Variants in PLEKHG1 observed in about 807,000 individuals in gnomAD.
PLEKHG1 encodes pleckstrin homology and RhoGEF domain containing G1, also known as pleckstrin homology domain-containing family G member 1.
In PLEKHG1, 44 loss-of-function variants were observed where a neutral mutation model predicts 100.8. That is an observed-to-expected ratio of 0.44 (90% confidence interval 0.34 to 0.56). The LOEUF is 0.56. Among genes scored for constraint, PLEKHG1 ranks in the 20% least tolerant of loss-of-function variants. The pLI is 0.01. For synonymous variants in PLEKHG1, 640 were observed against 662.5 expected, an observed-to-expected ratio of 0.97 and a Z score of 0.52; for missense variants, 1,545 against 1,720.9, an observed-to-expected ratio of 0.90 and a Z score of 1.81.
At chr6:150,626,760 C>T (rs1216144797) in intron 1 of PLEKHG1, among the ~76,000 whole-genome samples, 1 of 152,132 alleles carries the variant, frequency 6.6e-6, no homozygotes, top group South Asian at 2.1e-4. Flanking sequence ...CAATATCCTA[C>T]CAAGAGTTAA....
chr6:150,615,542 C>T (rs1777037020), intron 1 of PLEKHG1, among the ~76,000 whole-genome samples: 1 of 152,164 alleles, frequency 6.6e-6, no homozygotes, highest in Non-Finnish European at 1.5e-5. Context: ...CTTTCTAAAT[C>T]TCCCGAATAT....
intron 1 of PLEKHG1, chr6:150,605,971 C>G (rs1226806809): frequency 6.6e-6 from 1 of 152,210 alleles, no homozygotes; most frequent in African/African-American, 2.4e-5. Context: ...TTGCATACAA[C>G]ATTCTGCTAC....
rs34542836 is a variant in PLEKHG1, at chr6:150,731,962, CT to C, written c.-98-1605del. Among the ~76,000 whole-genome samples the C allele has an allele frequency of 1.3e-3, 172 of 134,404 alleles. 1 individual carries two copies. Among genetic ancestry groups the C allele is most frequent in the African/African-American group, 3.8e-3 (142 of 36,950 alleles). The allele number at this position is 134,404 out of a possible 152,430, so 88.2% of individuals were successfully genotyped here. ...TTTAAATGCTGTGGGTATTAAGTGA[CT>C]TTTTTTTTTTTTTTTTGAGACGGAC... On this transcript the variant is annotated intron_variant, in intron 1 of 15. Transcript: ENST00000358517.
chr6:150,715,171 G>T (rs751545804), intron 3 of PLEKHG1, among the ~76,000 whole-genome samples: 1 of 152,062 alleles, frequency 6.6e-6, no homozygotes, highest in Admixed American at 6.5e-5. Context: ...TTGAAAAAAG[G>T]CCTTTAGAAA....
chr6:150,777,979 A>G (rs1341277286), intron 3 of PLEKHG1, among the ~76,000 whole-genome samples: 4 of 152,220 alleles, frequency 2.6e-5, no homozygotes, highest in East Asian at 3.8e-4. Context: ...CTGTGCTCCC[A>G]TTGTACTTTG....
intron 11 of PLEKHG1, among the ~76,000 whole-genome samples, chr6:150,818,961 A>G (rs1004019674): frequency 3.9e-5 from 6 of 152,178 alleles, no homozygotes; most frequent in African/African-American, 1.4e-4. Flanking sequence ...AAGCAGCATC[A>G]GCAAAGTGGA....
At chr6:150,823,726 T>C (rs747276119) in intron 14 of PLEKHG1, 50 bp downstream of exon 15, 49 of 1,379,214 alleles carry the variant, frequency 3.6e-5, no homozygotes, top group Non-Finnish European at 4.2e-5. Flanking sequence ...CAGGCACCTT[T>C]CATAGGTGTC....
intron 3 of PLEKHG1, among the ~76,000 whole-genome samples, chr6:150,783,834 A>G (rs556154270): frequency 3.9e-5 from 6 of 152,380 alleles, no homozygotes; most frequent in South Asian, 4.1e-4. Context: ...ATACTAAAAA[A>G]GAACAAGCCC....
At chr6:150,832,114 G>C in exon 15 of PLEKHG1, 8 of 1,614,118 alleles carry the variant, frequency 5.0e-6, no homozygotes, top group Non-Finnish European at 6.8e-6. Flanking sequence ...GTCTGGAGCT[G>C]GAGCAGCCGC....
intron 14 of PLEKHG1, among the ~76,000 whole-genome samples, chr6:150,824,814 A>T (rs879269867): frequency 6.6e-6 from 1 of 152,128 alleles, no homozygotes; most frequent in Non-Finnish European, 1.5e-5. Flanking sequence ...ACAGGCATGA[A>T]CCACCACACC....
intron 5 of PLEKHG1, among the ~76,000 whole-genome samples, chr6:150,800,165 C>T (rs1174950781): frequency 6.6e-6 from 1 of 152,170 alleles, no homozygotes; most frequent in East Asian, 1.9e-4. Context: ...AGGGAAGTTA[C>T]CCAGGGGAAG....
chr6:150,645,939 C>A (rs1290839026), intron 2 of PLEKHG1, among the ~76,000 whole-genome samples: 10 of 152,176 alleles, frequency 6.6e-5, no homozygotes, highest in African/African-American at 2.4e-4. Flanking sequence ...TACAACATTG[C>A]TTTTAGTAGG....
intron 5 of PLEKHG1, among the ~76,000 whole-genome samples, chr6:150,796,985 T>G (rs908367182): frequency 2.6e-5 from 4 of 151,944 alleles, no homozygotes; most frequent in African/African-American, 4.8e-5. Flanking sequence ...GGGGTTTTTT[T>G]GTTTTGTTTT....
chr6:150,732,414 G>T lies in PLEKHG1; in HGVS notation c.-98-1170G>T, dbSNP rs1181550490. On this transcript the variant is annotated intron_variant, in intron 1 of 15. Coordinates refer to ENST00000358517, the Ensembl canonical transcript of PLEKHG1. ...GTGATCTGGAGAAGTGCTGTGTTGAGAGGATAAGTTTTCAATGGGGTGTGA... is the reference window on the plus strand; with the variant it reads ...GTGATCTGGAGAAGTGCTGTGTTGATAGGATAAGTTTTCAATGGGGTGTGA... Among the ~76,000 whole-genome samples the T allele has an allele frequency of 2.6e-5, 4 of 152,194 alleles. No homozygotes were observed. In the East Asian group the frequency reaches 7.7e-4, roughly 29 times the overall value.
At chr6:150,694,134 A>G (rs1415264803) in intron 3 of PLEKHG1, among the ~76,000 whole-genome samples, 1 of 152,142 alleles carries the variant, frequency 6.6e-6, no homozygotes, top group Non-Finnish European at 1.5e-5. Flanking sequence ...TTTCTGTTTT[A>G]TGTCTGCCAT....
chr6:150,702,721 G>C (rs1332013727), intron 3 of PLEKHG1, among the ~76,000 whole-genome samples: 2 of 152,090 alleles, frequency 1.3e-5, no homozygotes, highest in Non-Finnish European at 2.9e-5. Flanking sequence ...AAAAGCTGTT[G>C]GGGAAATAAT....
At chr6:150,693,397 A>T (rs1780420833) in intron 3 of PLEKHG1, among the ~76,000 whole-genome samples, 1 of 152,096 alleles carries the variant, frequency 6.6e-6, no homozygotes, top group Non-Finnish European at 1.5e-5. Flanking sequence ...GATCATTCTA[A>T]CTCTGGGACT....
At chr6:150,835,767 C>A (rs531468603) in intron 15 of PLEKHG1, among the ~76,000 whole-genome samples, 2 of 152,222 alleles carry the variant, frequency 1.3e-5, no homozygotes, top group East Asian at 3.9e-4. Context: ...GTCACACAAG[C>A]TATAGACTCT....
At chr6:150,816,853 TTCAGATCA>T (rs774403370) in intron 10 of PLEKHG1, among the ~76,000 whole-genome samples, 7 of 152,164 alleles carry the variant, frequency 4.6e-5, no homozygotes, top group Non-Finnish European at 1.0e-4. Flanking sequence ...TCAGCTCCAC[TTCAGATCA>T]TCAGGCATTA....
Sources: allele counts gnomAD v4.1 joint callset (sites outside exome capture counted in the v4.1 genomes callset), GRCh38; gene constraint gnomAD v4.1.1; transcripts MANE v1.5; gene names NCBI Gene and HGNC (gene_info 2026-07-23, HGNC 2026-07-21).